SMIM7: variants seen among roughly 807,000 people sequenced by gnomAD.
The protein encoded by SMIM7 is UPF0608 protein C19orf42.
Under a neutral mutation model 13.3 loss-of-function variants are expected in SMIM7, and 12 were observed. The observed-to-expected ratio is 0.90, with a 90% CI of 0.58 to 1.46. The LOEUF is 1.46. SMIM7 is among the 40% of genes most tolerant of loss of function. The probability of loss-of-function intolerance (pLI) is 0.00; values close to 1 mark genes in which losing one functional copy is unlikely to be tolerated. For synonymous variants in SMIM7, 36 were observed against 35.8 expected (o/e 1.01, Z -0.02); for missense variants, 114 against 94.8 (o/e 1.20, Z -0.84).
At chr19:16,657,133 C>T (rs897843182) in intron 3 of SMIM7, among the ~76,000 whole-genome samples, 1 of 152,140 alleles carries the variant, frequency 6.6e-6, no homozygotes, top group Non-Finnish European at 1.5e-5. Flanking sequence ...GCCTGGCACG[C>T]ATGACGCTCT....
chr19:16,639,280 G>A (rs758334571), intron 4 of SMIM7, among the ~76,000 whole-genome samples: 4 of 151,896 alleles, frequency 2.6e-5, no homozygotes, highest in Non-Finnish European at 4.4e-5. Flanking sequence ...CCACCACCTC[G>A]CCCGGCTAAT....
At chr19:16,644,190 G>C (rs891874030), downstream of SMIM7, among the ~76,000 whole-genome samples, 23 of 134,040 alleles carry the variant, frequency 1.7e-4, no homozygotes, top group Non-Finnish European at 2.9e-4. Flanking sequence ...GCGCGATCTC[G>C]GCTCGCTGCA....
intron 4 of SMIM7, chr19:16,653,069 A>C: frequency 3.0e-6 from 4 of 1,315,654 alleles, no homozygotes; most frequent in Non-Finnish European, 4.1e-6. Flanking sequence ...GGACATTTAA[A>C]CCATATTTTC....
At chr19:16,640,557 C>G in intron 4 of SMIM7, 1 of 152,220 alleles carries the variant, frequency 6.6e-6, no homozygotes. Context: ...GAGAGCAGAT[C>G]TCATTATCCA....
chr19:16,633,674 A>C (rs2086338247), intron 4 of SMIM7: 1 of 152,128 alleles, frequency 6.6e-6, no homozygotes, highest in Non-Finnish European at 1.5e-5. Flanking sequence ...AGTGAGCTAC[A>C]ACTGTGCCAC....
intron 4 of SMIM7, chr19:16,653,063 A>G (rs1239475998): frequency 4.5e-6 from 6 of 1,335,254 alleles, no homozygotes; most frequent in African/African-American, 2.9e-5. Context: ...TGTGCTGGAC[A>G]TTTAAACCAT....
chr19:16,647,313 T>C (rs1156370866), intron 4 of SMIM7, 52 bp from the exon 5 acceptor site: 11 of 1,607,330 alleles, frequency 6.8e-6, no homozygotes, highest in Non-Finnish European at 7.7e-6. Flanking sequence ...GTGACTGTTC[T>C]AAAAATATTG....
chr19:16,646,543 C>G lies in SMIM7; in HGVS notation c.*703G>C, dbSNP rs2122511373. On this transcript the variant is annotated 3_prime_UTR_variant, in exon 5 of 5. Coordinates refer to ENST00000487416, the MANE Select transcript of SMIM7 (RefSeq NM_024104.4). Reference sequence around the variant, plus strand: ...CAATGTACCACATCATAAAATCACTCTCATTCCTGCAACTGTACAATGAAT... The same window carrying G: ...CAATGTACCACATCATAAAATCACTGTCATTCCTGCAACTGTACAATGAAT... The G allele has an allele frequency of 6.5e-6, 1 of 154,504 alleles. No individual in the cohort carries two copies. The highest frequency in any genetic ancestry group is 2.4e-5 in the African/African-American group (1 of 41,628). The allele number at this position is 154,504 out of a possible 1,614,324, so 9.6% of individuals were successfully genotyped here.
Position 16,653,724 on chromosome 19 carries a change from T to C in SMIM7, c.212+311A>G, listed in dbSNP as rs957257701. 1.2e-5 allele frequency: 4 copies of C among 340,338 alleles called. No individual in the cohort carries two copies. In the Admixed American group the frequency reaches 1.4e-4, roughly 12 times the overall value. 21.1% of individuals were successfully genotyped at this position (340,338 alleles called of 1,614,324 possible). ...TCCTGGATAACACGATGGAACCCCGTCTCTACTAAAAATACAAAAAATCAG... is the reference window on the plus strand; with the variant it reads ...TCCTGGATAACACGATGGAACCCCGCCTCTACTAAAAATACAAAAAATCAG... On this transcript the variant is annotated intron_variant, in intron 4 of 4. Coordinates refer to ENST00000487416, the MANE Select transcript of SMIM7 (RefSeq NM_024104.4).
At chr19:16,633,983 G>A (rs1200678963) in intron 4 of SMIM7, 1 of 152,122 alleles carries the variant, frequency 6.6e-6, no homozygotes, top group Non-Finnish European at 1.5e-5. Context: ...GCATTCATAT[G>A]TATTGTTTCC....
chr19:16,640,517 G>A (rs536282495), intron 4 of SMIM7: 4 of 152,334 alleles, frequency 2.6e-5, no homozygotes, highest in African/African-American at 2.4e-5. Context: ...TGACAGCTTC[G>A]CTGGCTTTTC....
At chr19:16,659,763 GGA>G in intron 2 of SMIM7, 194 bp downstream of exon 2, 2 of 711,864 alleles carry the variant, frequency 2.8e-6, no homozygotes, top group South Asian at 3.5e-5. Flanking sequence ...ACCAAGGAAC[GGA>G]GAGTATGGGT....
At chr19:16,656,640 T>C (rs900541804) in intron 3 of SMIM7, among the ~76,000 whole-genome samples, 3 of 152,066 alleles carry the variant, frequency 2.0e-5, no homozygotes, top group South Asian at 2.1e-4. Context: ...CGCTCAAGTC[T>C]GTAATCCCAG....
chr19:16,641,322 G>A (rs2086402327), downstream of SMIM7: 1 of 149,110 alleles, frequency 6.7e-6, no homozygotes, highest in African/African-American at 2.5e-5. Context: ...TTTTGAGATG[G>A]AGTTTCACTC....
chr19:16,659,973 C>T lies in SMIM7; in HGVS notation c.54G>A (p.Val18=), dbSNP rs1323115365. ...GACCTACTCACAGCTTAAAGTTCAG[C>T]ACCGCCCCGGCATTCATCAGCAACG... The part of the protein sequence containing the change: ...FGTLLMNAGA[V]LNFKLKKKDT... The change falls in exon 2 of 5, where the codon GTG becomes GTA. Residue 18 remains valine, a synonymous_variant. Transcript: ENST00000487416. 6.2e-7 allele frequency: 1 copy of T among 1,613,216 alleles called. No individual in the cohort carries two copies. The highest frequency in any genetic ancestry group is 1.7e-5 in the Admixed American group (1 of 59,854).
At chr19:16,647,628 G>A (rs1034074075) in intron 4 of SMIM7, among the ~76,000 whole-genome samples, 2 of 151,130 alleles carry the variant, frequency 1.3e-5, no homozygotes, top group Non-Finnish European at 2.9e-5. Flanking sequence ...ATTAATTTTT[G>A]TATTTTTAGT....
At chr19:16,657,593 C>A (rs1446798063) in intron 3 of SMIM7, among the ~76,000 whole-genome samples, 2 of 152,312 alleles carry the variant, frequency 1.3e-5, no homozygotes, top group East Asian at 3.9e-4. Flanking sequence ...ACATCTCTGA[C>A]CCTCAGTTTC....
At chr19:16,653,680 G>A (rs1940876679) in intron 4 of SMIM7, 2 of 241,550 alleles carry the variant, frequency 8.3e-6, no homozygotes, top group African/African-American at 2.3e-5. Context: ...CGAATCACAA[G>A]GTCAGGAGAT....
chr19:16,633,018 T>C (rs2086332878), intron 4 of SMIM7, among the ~76,000 whole-genome samples: 1 of 152,166 alleles, frequency 6.6e-6, no homozygotes, highest in South Asian at 2.1e-4. Flanking sequence ...TGCCTAGCAA[T>C]AGGGGAGTAC....
Sources: gnomAD v4.1 joint callset for allele counts (sites outside exome capture counted in the v4.1 genomes callset) on GRCh38, gnomAD v4.1.1 for gene constraint, MANE v1.5 for transcripts, NCBI Gene and HGNC (gene_info 2026-07-23, HGNC 2026-07-21) for gene names.